Variants in FAF1 observed in about 807,000 individuals in gnomAD.
The protein encoded by FAF1 is FAS-associated factor 1.
In FAF1, 25 loss-of-function variants were observed where a neutral mutation model predicts 92.5. The ratio of observed to expected loss-of-function variants is 0.27; its 90% CI spans 0.20 to 0.38. FAF1 has a LOEUF of 0.38. Among genes scored for constraint, FAF1 ranks in the 10% least tolerant of loss-of-function variants. The pLI is 1.00. For missense variants in FAF1, 636 were observed against 793.3 expected (o/e 0.80, Z 2.38); for synonymous variants, 234 against 273.2 (o/e 0.86, Z 1.42).
intron 2 of FAF1, among the ~76,000 whole-genome samples, chr1:50,855,739 T>C (rs1644386166): frequency 6.6e-6 from 1 of 151,808 alleles, no homozygotes; most frequent in Non-Finnish European, 1.5e-5. Context: ...CAAAGCACAA[T>C]AAATCTTTAC....
chr1:50,499,363 GTTTTTTT>G (rs199637214), intron 15 of FAF1, among the ~76,000 whole-genome samples: 1 of 110,098 alleles, frequency 9.1e-6, no homozygotes, highest in Non-Finnish European at 1.9e-5. Flanking sequence ...TAGCTGTAGG[GTTTTTTT>G]TTTTTTTTTT....
chr1:50,774,766 T>C (rs1030553998), intron 4 of FAF1, among the ~76,000 whole-genome samples: 2 of 152,156 alleles, frequency 1.3e-5, no homozygotes, highest in Non-Finnish European at 2.9e-5. Context: ...TCTAACAATA[T>C]ACAATAATCC....
chr1:50,801,590 TCTG>T (rs1371183857), intron 3 of FAF1, 38 bp downstream of exon 3: 1 of 1,157,696 alleles, frequency 8.6e-7, no homozygotes, highest in Admixed American at 1.7e-5. Flanking sequence ...TGTTCTTTGT[TCTG>T]CTAAGTCATC....
At chr1:50,585,341 GAAGAT>G (rs1443299080) in intron 9 of FAF1, among the ~76,000 whole-genome samples, 2 of 152,138 alleles carry the variant, frequency 1.3e-5, no homozygotes, top group African/African-American at 4.8e-5. Flanking sequence ...TTTGTAAACT[GAAGAT>G]GAGATGTAAT....
At chr1:50,493,034 C>CTTTT (rs527436973) in intron 15 of FAF1, among the ~76,000 whole-genome samples, 1,852 of 137,944 alleles carry the variant, frequency 0.013, 47 homozygotes, top group African/African-American at 0.046. Flanking sequence ...GATTAAACTT[C>CTTTT]TTTTTTTTTT....
chr1:50,458,137 T>A (rs1428683304), intron 18 of FAF1, among the ~76,000 whole-genome samples: 1 of 151,764 alleles, frequency 6.6e-6, no homozygotes, highest in Non-Finnish European at 1.5e-5. Flanking sequence ...TGCTTAAACC[T>A]GGGAGGCAGA....
chr1:50,611,643 G>A (rs1399636258), intron 8 of FAF1, among the ~76,000 whole-genome samples: 1 of 152,202 alleles, frequency 6.6e-6, no homozygotes. Context: ...ATTTGCTGCT[G>A]CTATTTAGAT....
At chr1:50,884,426 G>T (rs952649071) in intron 1 of FAF1, among the ~76,000 whole-genome samples, 3 of 151,738 alleles carry the variant, frequency 2.0e-5, no homozygotes, top group Non-Finnish European at 4.4e-5. Context: ...TACTCGCGAT[G>T]CTGAGGCAGG....
At chr1:50,813,668 G>A (rs1342057972) in intron 2 of FAF1, among the ~76,000 whole-genome samples, 1 of 152,078 alleles carries the variant, frequency 6.6e-6, no homozygotes, top group African/African-American at 2.4e-5. Context: ...TCACCATGTT[G>A]TTGAGGCTTG....
At chr1:50,444,228 G>A (rs970179702) in intron 18 of FAF1, among the ~76,000 whole-genome samples, 2 of 152,212 alleles carry the variant, frequency 1.3e-5, no homozygotes, top group Admixed American at 1.3e-4. Context: ...CTGTCCTGCA[G>A]TGCTCTGGGC....
intron 1 of FAF1, among the ~76,000 whole-genome samples, chr1:50,864,618 G>T (rs1242462997): frequency 6.6e-6 from 1 of 151,060 alleles, no homozygotes; most frequent in African/African-American, 2.4e-5. Flanking sequence ...AAATGGTGCT[G>T]GGAAAACTGG....
At chr1:50,619,481 C>T (rs1653089524) in intron 8 of FAF1, among the ~76,000 whole-genome samples, 1 of 152,098 alleles carries the variant, frequency 6.6e-6, no homozygotes, top group Non-Finnish European at 1.5e-5. Flanking sequence ...TTTGTTTCTC[C>T]TTCACTTATA....
intron 17 of FAF1, among the ~76,000 whole-genome samples, chr1:50,488,526 G>A (rs1300717815): frequency 6.6e-6 from 1 of 152,134 alleles, no homozygotes; most frequent in Non-Finnish European, 1.5e-5. Context: ...CAGCATAAAG[G>A]AGCAAGAATC....
intron 1 of FAF1, among the ~76,000 whole-genome samples, chr1:50,949,615 G>C (rs1238439468): frequency 1.3e-5 from 2 of 152,114 alleles, no homozygotes; most frequent in Non-Finnish European, 2.9e-5. Flanking sequence ...TGCTATTAAG[G>C]ACAAAAATAA....
At chr1:50,788,307 G>T in intron 3 of FAF1, 102 bp from the exon 4 acceptor site, 1 of 969,696 alleles carries the variant, frequency 1.0e-6, no homozygotes. Flanking sequence ...TTCCTATCAA[G>T]TAAGTTTACC....
intron 2 of FAF1, among the ~76,000 whole-genome samples, chr1:50,810,639 T>A (rs1643897469): frequency 6.6e-6 from 1 of 152,232 alleles, no homozygotes; most frequent in Non-Finnish European, 1.5e-5. Flanking sequence ...GAAGTCAAAC[T>A]ATCTCTGTTT....
intron 7 of FAF1, among the ~76,000 whole-genome samples, chr1:50,674,444 C>T (rs973002675): frequency 5.3e-5 from 8 of 152,132 alleles, no homozygotes; most frequent in African/African-American, 1.4e-4. Context: ...AATCATAAAT[C>T]CTAAATTACT....
chr1:50,711,463 C>CATTTTTTTTTTT (rs1657925101), intron 6 of FAF1, among the ~76,000 whole-genome samples: 1 of 81,976 alleles, frequency 1.2e-5, no homozygotes, highest in African/African-American at 5.1e-5. Flanking sequence ...TCCACACTGA[C>CATTTTTTTTTTT]TTTTTTTTTT....
chr1:50,577,530 G>T (rs1460917155), intron 12 of FAF1, among the ~76,000 whole-genome samples: 4 of 152,160 alleles, frequency 2.6e-5, no homozygotes, highest in Non-Finnish European at 5.9e-5. Flanking sequence ...ATCTGGAAAA[G>T]AAAAGAAAAG....
Sources: gnomAD v4.1 joint callset for allele counts (sites outside exome capture counted in the v4.1 genomes callset) on GRCh38, gnomAD v4.1.1 for gene constraint, MANE v1.5 for transcripts, NCBI Gene and HGNC (gene_info 2026-07-23, HGNC 2026-07-21) for gene names.